Variants in DPP6 observed in about 807,000 individuals in gnomAD.
DPP6 encodes the protein A-type potassium channel modulatory protein DPP6.
In DPP6, 69 loss-of-function variants were observed where a neutral mutation model predicts 122.6. That is an observed-to-expected ratio of 0.56 (90% CI 0.46 to 0.69). The LOEUF (loss-of-function observed/expected upper bound fraction) is 0.69, where lower values mean the gene tolerates loss of function less well. Ranked by LOEUF, DPP6 falls within the 30% of genes least tolerant of loss-of-function variation. The probability of loss-of-function intolerance (pLI) is 0.00; values close to 1 mark genes in which losing one functional copy is unlikely to be tolerated. For missense variants in DPP6, 928 were observed against 1,116.9 expected, an observed-to-expected ratio of 0.83 and a Z score of 2.41; for synonymous variants, 418 against 433.1, an observed-to-expected ratio of 0.97 and a Z score of 0.43.
At chr7:153,838,501 A>G in the DPP6 span, among the ~76,000 whole-genome samples, 1 of 152,210 alleles carries the variant, frequency 6.6e-6, no homozygotes, top group Non-Finnish European at 1.5e-5. Flanking sequence ...CCATGTAACT[A>G]TTGTTGAAAC....
chr7:154,874,130 C>CA (rs1804653893), intron 19 of DPP6, among the ~76,000 whole-genome samples: 2 of 151,514 alleles, frequency 1.3e-5, no homozygotes, highest in Admixed American at 6.6e-5. Flanking sequence ...CCCACACACC[C>CA]CACACATGTG....
chr7:153,892,926 G>T (rs769911850), intron 1 of DPP6, among the ~76,000 whole-genome samples: 1 of 152,076 alleles, frequency 6.6e-6, no homozygotes, highest in Non-Finnish European at 1.5e-5. Flanking sequence ...ATAACTAGAC[G>T]TTTCTTGAAA....
chr7:154,048,648 G>C (rs1468684245), upstream of DPP6, among the ~76,000 whole-genome samples: 1 of 90,334 alleles, frequency 1.1e-5, no homozygotes, highest in Non-Finnish European at 2.5e-5. Flanking sequence ...TGCTAACTTA[G>C]CCATTTCATT....
intron 1 of DPP6, among the ~76,000 whole-genome samples, chr7:154,000,816 TA>T (rs1471000339): frequency 6.6e-6 from 1 of 152,116 alleles, no homozygotes; most frequent in African/African-American, 2.4e-5. Flanking sequence ...TTTCTAGGCA[TA>T]AACCTGAGTC....
At chr7:154,273,043 AT>A (rs1257730270) in intron 1 of DPP6, among the ~76,000 whole-genome samples, 7 of 152,154 alleles carry the variant, frequency 4.6e-5, no homozygotes, top group Non-Finnish European at 1.0e-4. Flanking sequence ...TCCCTCACAA[AT>A]GATTCTGGGG....
At chr7:154,327,950 A>G (rs1270045844) in intron 1 of DPP6, among the ~76,000 whole-genome samples, 1 of 152,228 alleles carries the variant, frequency 6.6e-6, no homozygotes, top group Non-Finnish European at 1.5e-5. Context: ...AATATGCATT[A>G]CTATGAGTAA....
the DPP6 span, among the ~76,000 whole-genome samples, chr7:153,872,599 T>C: frequency 1.3e-5 from 2 of 152,236 alleles, no homozygotes; most frequent in South Asian, 4.1e-4. Context: ...CTGTTTTTCA[T>C]AAATTAATCC....
At position 154,558,605 on chromosome 7, in the gene DPP6, G is replaced by A. The variant is rs191536626; in HGVS notation, c.553-8237G>A. 5.8e-3 allele frequency among the ~76,000 whole-genome samples: 886 copies of A among 152,106 alleles called. 6 individuals are homozygous for A. Among genetic ancestry groups the A allele is most frequent in the Non-Finnish European group, 8.9e-3 (606 of 67,992 alleles). On this transcript the variant is annotated intron_variant, in intron 4 of 25. Coordinates refer to ENST00000377770, the MANE Select transcript of DPP6 (RefSeq NM_130797.4). ...TATTTTTAGATATACAAAAATTACC[G>A]CTGTGTTACAACTCTCTACAGTTTT...
rs60134336 is a variant in DPP6 at position 154,760,841 on chromosome 7, G to GTTTT, written c.884-8566_884-8563dup. ...TCAGCCTTCCTCTTTCAAAACTTTT[G>GTTTT]TTTTTTTTTTTTTGAGACAGTCTTG... On this transcript the variant is annotated intron_variant, in intron 8 of 25. Transcript: ENST00000377770. This position sits in a 1 kb window ranked among gnomAD's most constrained non-coding sequence, Gnocchi z 4.5. Among the ~76,000 whole-genome samples the GTTTT allele has an allele frequency of 0.012, 1,680 of 145,506 alleles. 27 individuals carry two copies. The highest frequency in any genetic ancestry group is 0.039 in the African/African-American group (1,551 of 39,396).
intron 1 of DPP6, among the ~76,000 whole-genome samples, chr7:154,398,235 T>C (rs2151180002): frequency 6.6e-6 from 1 of 152,280 alleles, no homozygotes; most frequent in Non-Finnish European, 1.5e-5. Context: ...CTCTGTGAGG[T>C]ACTCATTTTT....
At chr7:153,898,581 A>G (rs567722875) in intron 1 of DPP6, among the ~76,000 whole-genome samples, 8 of 152,334 alleles carry the variant, frequency 5.3e-5, no homozygotes, top group Admixed American at 1.3e-4. Context: ...ATAAATATGT[A>G]TAATTATTAT....
At chr7:154,031,354 G>A (rs994445984) in intron 1 of DPP6, among the ~76,000 whole-genome samples, 34 of 149,900 alleles carry the variant, frequency 2.3e-4, no homozygotes, top group African/African-American at 7.0e-4. Context: ...GTTTCTTAAC[G>A]TGGGGTCCCA....
At chr7:153,748,275 G>C in the DPP6 span, among the ~76,000 whole-genome samples, 1 of 151,374 alleles carries the variant, frequency 6.6e-6, no homozygotes, top group Non-Finnish European at 1.5e-5. Flanking sequence ...GCCACCTCCC[G>C]ACCATCCCGG....
At chr7:153,958,309 A>T (rs1167092470) in intron 1 of DPP6, among the ~76,000 whole-genome samples, 1 of 152,118 alleles carries the variant, frequency 6.6e-6, no homozygotes, top group Non-Finnish European at 1.5e-5. Flanking sequence ...TGTCATCTTC[A>T]CAGTATTTTT....
the DPP6 span, among the ~76,000 whole-genome samples, chr7:153,789,671 G>A: frequency 6.6e-6 from 1 of 152,272 alleles, no homozygotes; most frequent in South Asian, 2.1e-4. Flanking sequence ...TTAATTAACA[G>A]AGATATCACA....
intron 1 of DPP6, among the ~76,000 whole-genome samples, chr7:154,118,275 A>T (rs1002475268): frequency 6.0e-5 from 9 of 150,386 alleles, no homozygotes; most frequent in Non-Finnish European, 1.2e-4. Flanking sequence ...GGACATACAT[A>T]TGAAATATCT....
At chr7:153,847,376 T>G in the DPP6 span, among the ~76,000 whole-genome samples, 2 of 152,224 alleles carry the variant, frequency 1.3e-5, no homozygotes, top group Admixed American at 1.3e-4. Flanking sequence ...GTCTGCTAAT[T>G]CCAACATGTT....
rs553982565 is a variant in DPP6, at chr7:154,578,986, G to A, written c.627+12070G>A. 2.6e-5 allele frequency among the ~76,000 whole-genome samples: 4 copies of A among 152,258 alleles called. No individual in the cohort carries two copies. In the South Asian group the frequency reaches 8.3e-4, roughly 32 times the overall value. On this transcript the variant is annotated intron_variant, in intron 5 of 25. Transcript: ENST00000377770. Reference sequence around the variant, plus strand: ...CACTCCATAATCTAGCTCTCCACCTGAGCAACACGTGCAGAGCTTCAAGAG... The same window carrying A: ...CACTCCATAATCTAGCTCTCCACCTAAGCAACACGTGCAGAGCTTCAAGAG...
chr7:154,156,726 C>T (rs1796697422), intron 1 of DPP6, among the ~76,000 whole-genome samples: 1 of 152,136 alleles, frequency 6.6e-6, no homozygotes, highest in Non-Finnish European at 1.5e-5. Context: ...AGTTTAGCCT[C>T]CTGATCAGAT....
Sources: allele counts gnomAD v4.1 joint callset (sites outside exome capture counted in the v4.1 genomes callset), GRCh38; gene constraint gnomAD v4.1.1; non-coding constraint Gnocchi (gnomAD v3.1); transcripts MANE v1.5; gene names NCBI Gene and HGNC (gene_info 2026-07-23, HGNC 2026-07-21).